DPYD: variants seen among roughly 807,000 people sequenced by gnomAD.
DPYD encodes dihydropyrimidine dehydrogenase [NADP(+)].
A neutral mutation model predicts 116.2 loss-of-function variants in DPYD; 109 were observed. That is an observed-to-expected ratio of 0.94 (90% confidence interval 0.80 to 1.10). The LOEUF (loss-of-function observed/expected upper bound fraction) is 1.10. Among genes scored for constraint, DPYD ranks in the 50% least tolerant of loss-of-function variants. The pLI, the probability that DPYD is intolerant of heterozygous loss-of-function variation, is 0.00. For synonymous variants in DPYD, 440 were observed against 432.0 expected (o/e 1.02, Z -0.23); for missense variants, 1,302 against 1,254.5 (o/e 1.04, Z -0.57).
At chr1:97,870,562 A>G (rs1671605927) in intron 2 of DPYD, among the ~76,000 whole-genome samples, 1 of 151,810 alleles carries the variant, frequency 6.6e-6, no homozygotes, top group Non-Finnish European at 1.5e-5. Context: ...AGTACATGCA[A>G]TATTAATGAT....
At chr1:97,287,322 G>A (rs1375346484) in intron 18 of DPYD, among the ~76,000 whole-genome samples, 1 of 152,162 alleles carries the variant, frequency 6.6e-6, no homozygotes, top group Non-Finnish European at 1.5e-5. Context: ...TGTGTGAGCA[G>A]TCAGTCTGCC....
intron 8 of DPYD, among the ~76,000 whole-genome samples, chr1:97,620,356 C>T (rs1013591710): frequency 3.3e-5 from 5 of 152,042 alleles, no homozygotes; most frequent in East Asian, 3.9e-4. Flanking sequence ...GTGGGACTAT[C>T]GGCACATGCC....
intron 14 of DPYD, among the ~76,000 whole-genome samples, chr1:97,430,702 G>A (rs1160671128): frequency 3.9e-5 from 6 of 152,126 alleles, no homozygotes; most frequent in African/African-American, 1.4e-4. Flanking sequence ...GGAACACTGC[G>A]AGACTGCTGT....
At chr1:97,088,845 T>C (rs1020834900) in intron 21 of DPYD, among the ~76,000 whole-genome samples, 1 of 152,194 alleles carries the variant, frequency 6.6e-6, no homozygotes, top group African/African-American at 2.4e-5. Context: ...AGTTTGATAA[T>C]TTTCATCTGC....
At chr1:97,574,024 G>T in intron 10 of DPYD, 54 bp from the exon 11 acceptor site, 1 of 1,594,576 alleles carries the variant, frequency 6.3e-7, no homozygotes, top group Non-Finnish European at 8.6e-7. Context: ...ATTCCACACA[G>T]TATTTGATTT....
At chr1:97,151,580 C>T in intron 20 of DPYD, among the ~76,000 whole-genome samples, 1 of 152,108 alleles carries the variant, frequency 6.6e-6, no homozygotes, top group Non-Finnish European at 1.5e-5. Flanking sequence ...CAGGCTGAGG[C>T]AGGACAATCG....
chr1:97,255,217 C>T lies in DPYD; in HGVS notation c.2300-20223G>A, dbSNP rs1163100789. On this transcript the variant is annotated intron_variant, in intron 18 of 22. Coordinates refer to ENST00000370192, the MANE Select transcript of DPYD (RefSeq NM_000110.4). ...GGGAGCAAAGCTTCAGGGACAAAGGCCCAGTTTCATAAGCATAAGTGCATA... is the reference window on the plus strand; with the variant it reads ...GGGAGCAAAGCTTCAGGGACAAAGGTCCAGTTTCATAAGCATAAGTGCATA... 2.6e-5 allele frequency among the ~76,000 whole-genome samples: 4 copies of T among 152,110 alleles called. No individual in the cohort carries two copies. The East Asian group carries it at 7.7e-4, about 29-fold the overall frequency.
chr1:97,721,636 G>T lies in DPYD; in HGVS notation c.357C>A (p.Asp119Glu), dbSNP rs777348913. Residue 119 changes from aspartate to glutamate, a missense_variant, in exon 5 of 23, where the codon GAC (aspartate) becomes GAA (glutamate). By Grantham distance (45) the Asp-to-Glu change is conservative (BLOSUM62 2). Coordinates refer to ENST00000370192, the MANE Select transcript of DPYD (RefSeq NM_000110.4). ...YYGAAKMIFS[D>E]NPLGLTCGMV... ...TTCCACAAGTCAGACCAAGTGGGTTGTCAGAAAATATCATCTTAGCAGCTC... is the reference window on the plus strand; with the variant it reads ...TTCCACAAGTCAGACCAAGTGGGTTTTCAGAAAATATCATCTTAGCAGCTC... The T allele has an allele frequency of 1.2e-6, 2 of 1,611,462 alleles. No homozygotes were observed. The highest frequency in any genetic ancestry group is 1.1e-5 in the South Asian group (1 of 91,024).
intron 13 of DPYD, among the ~76,000 whole-genome samples, chr1:97,485,289 C>T (rs1557744817): frequency 6.6e-6 from 1 of 152,182 alleles, no homozygotes; most frequent in Non-Finnish European, 1.5e-5. Flanking sequence ...GCAACCTCCA[C>T]CTCCCGGGTT....
chr1:97,098,966 ATTTG>A (rs1650468090), intron 20 of DPYD, among the ~76,000 whole-genome samples: 1 of 152,070 alleles, frequency 6.6e-6, no homozygotes, highest in African/African-American at 2.4e-5. Flanking sequence ...TAGTTAAACC[ATTTG>A]TTTGGTTTGT....
At chr1:97,179,525 A>C (rs963364164) in intron 20 of DPYD, among the ~76,000 whole-genome samples, 1 of 152,178 alleles carries the variant, frequency 6.6e-6, no homozygotes, top group Non-Finnish European at 1.5e-5. Context: ...AAATGCTTTA[A>C]AGATGTATGG....
At chr1:97,621,978 T>A (rs764788843) in intron 8 of DPYD, among the ~76,000 whole-genome samples, 1 of 151,832 alleles carries the variant, frequency 6.6e-6, no homozygotes, top group African/African-American at 2.4e-5. Context: ...AAAATAAATA[T>A]CCACGAGTCC....
intron 16 of DPYD, among the ~76,000 whole-genome samples, chr1:97,364,068 G>T (rs576774244): frequency 6.6e-6 from 1 of 151,822 alleles, no homozygotes; most frequent in African/African-American, 2.4e-5. Context: ...TATCTATACA[G>T]ATATTAGAAG....
chr1:97,376,301 C>CATA (rs1671609335), intron 15 of DPYD, among the ~76,000 whole-genome samples: 1 of 152,148 alleles, frequency 6.6e-6, no homozygotes, highest in South Asian at 2.1e-4. Flanking sequence ...TTACGAAAAA[C>CATA]ATAACAGCTC....
chr1:97,327,045 G>A (rs576836319), intron 16 of DPYD, among the ~76,000 whole-genome samples: 2 of 152,128 alleles, frequency 1.3e-5, no homozygotes, highest in African/African-American at 4.8e-5. Context: ...TGTGAAACCA[G>A]CAACTGTCTG....
intron 20 of DPYD, among the ~76,000 whole-genome samples, chr1:97,151,454 A>T (rs1044105951): frequency 5.3e-5 from 8 of 152,094 alleles, no homozygotes; most frequent in Admixed American, 1.3e-4. Flanking sequence ...CAGGCAGATC[A>T]CCTGAGGTCA....
At chr1:97,397,953 T>G (rs971559747) in intron 14 of DPYD, among the ~76,000 whole-genome samples, 3 of 152,000 alleles carry the variant, frequency 2.0e-5, no homozygotes, top group African/African-American at 7.2e-5. Context: ...GTCTTTTTTT[T>G]TTTAAATTAT....
chr1:97,724,556 A>G (rs149318616), intron 4 of DPYD, among the ~76,000 whole-genome samples: 21 of 151,598 alleles, frequency 1.4e-4, no homozygotes, highest in African/African-American at 4.8e-4. Context: ...CCAATGTTTC[A>G]TTTCAAAGGT....
chr1:97,669,391 T>C (rs1215590982), intron 8 of DPYD, among the ~76,000 whole-genome samples: 1 of 152,134 alleles, frequency 6.6e-6, no homozygotes, highest in Non-Finnish European at 1.5e-5. Context: ...TACTAAGTAA[T>C]ATGAGTTTAA....
Sources: gnomAD v4.1 joint callset for allele counts (sites outside exome capture counted in the v4.1 genomes callset) on GRCh38, gnomAD v4.1.1 for gene constraint, MANE v1.5 for transcripts, NCBI Gene and HGNC (gene_info 2026-07-23, HGNC 2026-07-21) for gene names.